Variants in NPAS3 observed in about 807,000 individuals in gnomAD.
NPAS3 encodes the protein neuronal PAS domain protein 3, also known as neuronal PAS domain-containing protein 3.
Under a neutral mutation model 73.1 loss-of-function variants are expected in NPAS3, and 14 were observed. That is an observed-to-expected ratio of 0.19 (90% confidence interval 0.13 to 0.30). NPAS3 has a LOEUF of 0.30. Ranked by LOEUF, NPAS3 falls within the 10% of genes least tolerant of loss-of-function variation. The probability of loss-of-function intolerance (pLI) is 1.00; values close to 1 mark genes in which losing one functional copy is unlikely to be tolerated. For missense variants in NPAS3, 1,096 were observed against 1,250.0 expected (o/e 0.88, Z 1.86); for synonymous variants, 620 against 541.5 (o/e 1.14, Z -2.01).
intron 11 of NPAS3, among the ~76,000 whole-genome samples, chr14:33,798,194 G>A (rs913003291): frequency 6.6e-6 from 1 of 152,166 alleles, no homozygotes; most frequent in African/African-American, 2.4e-5. Context: ...GTGCTGGACT[G>A]TTACTTATTT....
intron 4 of NPAS3, among the ~76,000 whole-genome samples, chr14:33,414,769 G>A (rs1202166704): frequency 1.3e-5 from 2 of 152,224 alleles, no homozygotes; most frequent in African/African-American, 4.8e-5. Flanking sequence ...GGGTTAGATC[G>A]CCTAGTGGTG....
chr14:33,060,850 C>T (rs1176217687), intron 2 of NPAS3, among the ~76,000 whole-genome samples: 2 of 152,156 alleles, frequency 1.3e-5, no homozygotes, highest in South Asian at 2.1e-4. Flanking sequence ...TTTCAGACAC[C>T]ATGACAGGGC....
chr14:33,579,843 T>C (rs934728822), intron 5 of NPAS3, among the ~76,000 whole-genome samples: 1 of 152,122 alleles, frequency 6.6e-6, no homozygotes, highest in Non-Finnish European at 1.5e-5. Context: ...AAGCCAAACA[T>C]CAATGAAAAA....
chr14:33,535,868 A>G (rs1429258380), intron 4 of NPAS3, among the ~76,000 whole-genome samples: 2 of 152,184 alleles, frequency 1.3e-5, no homozygotes, highest in Non-Finnish European at 1.5e-5. Context: ...CTATTTTTCT[A>G]TCAGCATTGA....
Position 33,087,077 on chromosome 14 carries a change from A to AATTGTATAATATGTTATACAATATAAT in NPAS3, c.140+31096_140+31122dup, listed in dbSNP as rs2042049397. Among the ~76,000 whole-genome samples, 8 of 120,900 alleles carry AATTGTATAATATGTTATACAATATAAT rather than the reference A, an allele frequency of 6.6e-5. No individual in the cohort carries two copies. In the South Asian group the frequency reaches 1.6e-3, roughly 25 times the overall value. The allele number at this position is 120,900 out of a possible 152,430, so 79.3% of individuals were successfully genotyped here. A position where few individuals can be genotyped will look rare whatever the true frequency, so the allele number is the denominator to read the frequency against. On this transcript the variant is annotated intron_variant, in intron 2 of 11. Transcript: ENST00000356141. ...TGGCAGCAGAACATAGATATTGTATAATTGTATAATATGTTATACAATATA... is the reference window on the plus strand; with the variant it reads ...TGGCAGCAGAACATAGATATTGTATAATTGTATAATATGTTATACAATATAATATTGTATAATATGTTATACAATATA...
At chr14:33,434,006 C>A (rs1446136175) in intron 4 of NPAS3, among the ~76,000 whole-genome samples, 1 of 151,390 alleles carries the variant, frequency 6.6e-6, no homozygotes, top group African/African-American at 2.4e-5. Context: ...GCCTGGCTAA[C>A]AAGGTGAAAC....
intron 4 of NPAS3, among the ~76,000 whole-genome samples, chr14:33,455,489 G>A (rs905527308): frequency 2.0e-5 from 3 of 152,150 alleles, no homozygotes; most frequent in South Asian, 2.1e-4. Context: ...CAGTTCCCTT[G>A]TAAAACTATA....
upstream of NPAS3, among the ~76,000 whole-genome samples, chr14:32,935,338 A>G (rs535318033): frequency 3.3e-4 from 50 of 152,238 alleles, no homozygotes; most frequent in Non-Finnish European, 6.5e-4. Flanking sequence ...TTTCCAGTGG[A>G]ATTTTCTCAA....
chr14:32,961,409 C>CAAAAAAAAAAAAAAAAACA (rs555007306), intron 1 of NPAS3, among the ~76,000 whole-genome samples: 1 of 57,316 alleles, frequency 1.7e-5, no homozygotes. Context: ...GACTTCATCT[C>CAAAAAAAAAAAAAAAAACA]AAAAAAAAAA....
intron 2 of NPAS3, among the ~76,000 whole-genome samples, chr14:33,190,464 G>C (rs2046130433): frequency 6.6e-6 from 1 of 152,198 alleles, no homozygotes; most frequent in East Asian, 1.9e-4. Flanking sequence ...ATATTTCTCT[G>C]TCTTGTTTAA....
intron 8 of NPAS3, among the ~76,000 whole-genome samples, chr14:33,776,584 A>T (rs1479908651): frequency 2.8e-5 from 4 of 142,560 alleles, no homozygotes; most frequent in Non-Finnish European, 4.5e-5. Flanking sequence ...CCCCTTTATT[A>T]GCCAATACAA....
intron 2 of NPAS3, among the ~76,000 whole-genome samples, chr14:33,152,002 A>G (rs2044464006): frequency 6.6e-6 from 1 of 151,988 alleles, no homozygotes; most frequent in African/African-American, 2.4e-5. Flanking sequence ...CCTTCACTCT[A>G]TAGTTCTGAT....
Position 33,234,650 on chromosome 14 carries a change from C to T in NPAS3, c.385+19224C>T, listed in dbSNP as rs372503811. On this transcript the variant is annotated intron_variant, in intron 3 of 11. Coordinates refer to ENST00000356141, the Ensembl canonical transcript of NPAS3. ...TGGCTAGACCAGAGCACATTTTGCA[C>T]GAATGCCATCCTTTGTGTAGACTCT... is the stretch of plus-strand genomic sequence containing the variant. Among the ~76,000 whole-genome samples, 31 of 152,150 alleles carry T rather than the reference C, an allele frequency of 2.0e-4. 1 individual carries two copies. Among genetic ancestry groups the T allele is most frequent in the East Asian group, 7.7e-4 (4 of 5,182 alleles).
chr14:33,198,856 C>T (rs1191149522), intron 2 of NPAS3, among the ~76,000 whole-genome samples: 2 of 152,212 alleles, frequency 1.3e-5, no homozygotes, highest in African/African-American at 2.4e-5. Flanking sequence ...GCATGGCAGG[C>T]TGCAGGTCCC....
At chr14:33,071,832 T>C (rs2041495193) in intron 2 of NPAS3, among the ~76,000 whole-genome samples, 1 of 152,196 alleles carries the variant, frequency 6.6e-6, no homozygotes, top group South Asian at 2.1e-4. Context: ...TCATGCTAGT[T>C]AGAGCTGTAA....
chr14:33,083,960 A>G (rs946557829), intron 2 of NPAS3, among the ~76,000 whole-genome samples: 1 of 152,178 alleles, frequency 6.6e-6, no homozygotes, highest in African/African-American at 2.4e-5. Context: ...TCATCCTTTA[A>G]GTAATGCAGG....
chr14:33,676,200 T>C lies in NPAS3; in HGVS notation c.559-11T>C. ...ATGTCTTTCCTTCCCACCCTTTCTC[T>C]CGCCCTCTAGGTGGAGCTGACAGGC... is the stretch of plus-strand genomic sequence containing the variant. On this transcript the variant is annotated splice_polypyrimidine_tract_variant and intron_variant, in intron 5 of 11. Coordinates refer to ENST00000356141, the Ensembl canonical transcript of NPAS3. 1 of 1,613,370 alleles carries C rather than the reference T, an allele frequency of 6.2e-7. No homozygotes were observed. The highest frequency in any genetic ancestry group is 1.7e-5 in the Admixed American group (1 of 59,916).
intron 7 of NPAS3, among the ~76,000 whole-genome samples, chr14:33,757,542 G>C (rs1323887543): frequency 1.3e-5 from 2 of 152,108 alleles, no homozygotes; most frequent in East Asian, 3.9e-4. Flanking sequence ...GAATACGATG[G>C]GGGAAAAAAT....
intron 7 of NPAS3, among the ~76,000 whole-genome samples, chr14:33,757,687 G>A (rs1273967789): frequency 6.6e-6 from 1 of 152,170 alleles, no homozygotes; most frequent in Non-Finnish European, 1.5e-5. Flanking sequence ...TGACTGACTG[G>A]ATCTGGAAAA....
Sources: gnomAD v4.1 joint callset for allele counts (sites outside exome capture counted in the v4.1 genomes callset) on GRCh38, gnomAD v4.1.1 for gene constraint, MANE v1.5 for transcripts, NCBI Gene and HGNC (gene_info 2026-07-23, HGNC 2026-07-21) for gene names.